SHPRH: variants seen among roughly 807,000 people sequenced by gnomAD.
SHPRH encodes E3 ubiquitin-protein ligase SHPRH.
A neutral mutation model predicts 202.5 loss-of-function variants in SHPRH; 106 were observed. That is an observed-to-expected ratio of 0.52 (90% CI 0.45 to 0.62). The LOEUF is 0.62. SHPRH is among the 20% of genes least tolerant of loss of function. SHPRH has a pLI of 0.00. For synonymous variants in SHPRH, 729 were observed against 686.0 expected (o/e 1.06, Z -0.98); for missense variants, 1,710 against 2,020.0 (o/e 0.85, Z 2.94).
chr6:145,915,357 A>G (rs894178975), intron 23 of SHPRH, among the ~76,000 whole-genome samples: 1 of 151,766 alleles, frequency 6.6e-6, no homozygotes, highest in Non-Finnish European at 1.5e-5. Context: ...TTGCATATTT[A>G]TCTACATATT....
intron 17 of SHPRH, 34 bp from the exon 18 acceptor site, chr6:145,923,819 A>G: frequency 6.3e-7 from 1 of 1,593,978 alleles, no homozygotes. Context: ...CAATTAATAC[A>G]TTTTTTTTAG....
At chr6:145,875,258 G>A (rs1639997068) in intron 2 of SHPRH, among the ~76,000 whole-genome samples, 1 of 152,188 alleles carries the variant, frequency 6.6e-6, no homozygotes, top group African/African-American at 2.4e-5. Flanking sequence ...ATTTTTGGTT[G>A]TCAAAGCTTG....
rs760250539 is a variant in SHPRH at position 145,954,764 on chromosome 6, C to G, written c.559G>C (p.Glu187Gln). 1.9e-5 allele frequency: 31 copies of G among 1,612,744 alleles called. 1 individual carries two copies. The South Asian group carries it at 3.4e-4, about 18-fold the overall frequency. The change falls in exon 2 of 30, where the codon GAA (glutamate) becomes CAA (glutamine). Residue 187 changes from glutamate to glutamine, a missense_variant. This residue lies in a region of SHPRH where 459 missense variants were observed against 426.5 expected (regional missense o/e 1.08). Transcript: ENST00000275233. ...TTCTTTTGTAGCCACCCCAAATCTT[C>G]TAACATTTCACCACTGAAGGATGAC... ...VESSFSGEML[E>Q]DLGWLQKKRR...
chr6:145,923,269 G>C (rs1784582174), intron 18 of SHPRH, among the ~76,000 whole-genome samples: 1 of 151,302 alleles, frequency 6.6e-6, no homozygotes, highest in South Asian at 2.1e-4. Context: ...TTCCTTGGTT[G>C]AATATATATA....
At chr6:145,932,139 T>C (rs1785527162) in intron 14 of SHPRH, among the ~76,000 whole-genome samples, 1 of 152,190 alleles carries the variant, frequency 6.6e-6, no homozygotes, top group South Asian at 2.1e-4. Flanking sequence ...TGATTGCATG[T>C]TTTCAAGGTT....
intron 25 of SHPRH, among the ~76,000 whole-genome samples, chr6:145,897,138 A>G (rs529439968): frequency 6.6e-6 from 1 of 151,938 alleles, no homozygotes; most frequent in South Asian, 2.1e-4. Context: ...CATAAACACA[A>G]TGGACAACCC....
chr6:145,871,802 T>A (rs538347770), intron 2 of SHPRH, among the ~76,000 whole-genome samples: 2 of 152,174 alleles, frequency 1.3e-5, no homozygotes, highest in South Asian at 4.1e-4. Flanking sequence ...AACTATACGA[T>A]AGGGCTACAG....
At chr6:145,892,570 C>T (rs2244308) in intron 28 of SHPRH, among the ~76,000 whole-genome samples, 67,255 of 149,948 alleles carry the variant, frequency 0.45, 15,337 homozygotes, top group African/African-American at 0.53. Flanking sequence ...GTTTTTTTTT[C>T]CTTTTTTAAA....
chr6:145,920,259 G>A (rs1227355848), intron 21 of SHPRH, among the ~76,000 whole-genome samples: 1 of 152,076 alleles, frequency 6.6e-6, no homozygotes, highest in Non-Finnish European at 1.5e-5. Flanking sequence ...GAACTGCACA[G>A]TAAGCTCTCT....
intron 25 of SHPRH, among the ~76,000 whole-genome samples, chr6:145,901,047 T>C (rs190393405): frequency 4.7e-4 from 72 of 152,228 alleles, no homozygotes; most frequent in Non-Finnish European, 6.8e-4. Context: ...AATCCTTCCA[T>C]AATATCTACA....
intron 25 of SHPRH, chr6:145,904,981 C>T (rs1349200049): frequency 3.3e-5 from 5 of 152,096 alleles, no homozygotes; most frequent in Non-Finnish European, 5.9e-5. Context: ...TCTAGGAAAG[C>T]TGCCATAAAA....
chr6:145,925,403 T>A (rs1289978521), intron 16 of SHPRH, among the ~76,000 whole-genome samples: 1 of 150,884 alleles, frequency 6.6e-6, no homozygotes, highest in African/African-American at 2.4e-5. Context: ...GTAATTGATT[T>A]AGTTTGATTT....
rs190455933 is a variant in SHPRH, at chr6:145,887,606, G to A, written c.4955+414C>T. Among the ~76,000 whole-genome samples, 777 of 149,170 alleles carry A rather than the reference G, an allele frequency of 5.2e-3. 4 individuals carry two copies. Among genetic ancestry groups the A allele is most frequent in the African/African-American group, 0.018 (743 of 40,292 alleles). Reference sequence around the variant, plus strand: ...GCTGGAGTGCAGTGGCACGATCTTGGCTCACTGCAACCTCCACCTCCGGGG... The same window carrying A: ...GCTGGAGTGCAGTGGCACGATCTTGACTCACTGCAACCTCCACCTCCGGGG... On this transcript the variant is annotated intron_variant, in intron 29 of 29. Coordinates refer to ENST00000275233, the MANE Select transcript of SHPRH (RefSeq NM_001042683.3).
At chr6:145,880,143 T>C (rs949578282), downstream of SHPRH, among the ~76,000 whole-genome samples, 5 of 152,110 alleles carry the variant, frequency 3.3e-5, no homozygotes, top group African/African-American at 1.2e-4. Flanking sequence ...ACTTTTTCCC[T>C]CATGTTACCA....
At chr6:145,898,957 G>A (rs946399426) in intron 25 of SHPRH, among the ~76,000 whole-genome samples, 3 of 151,950 alleles carry the variant, frequency 2.0e-5, no homozygotes, top group Non-Finnish European at 4.4e-5. Flanking sequence ...GACTACAGGT[G>A]TGCACCACCA....
intron 1 of SHPRH, among the ~76,000 whole-genome samples, chr6:145,959,612 A>T (rs1562381566): frequency 6.6e-6 from 1 of 152,198 alleles, no homozygotes. Context: ...AAATGTTATA[A>T]ACTCAGCTCT....
intron 25 of SHPRH, chr6:145,909,878 G>A (rs1019070052): frequency 2.0e-5 from 3 of 152,040 alleles, no homozygotes; most frequent in African/African-American, 7.2e-5. Context: ...ATCCAGTCTG[G>A]ATATCACATT....
rs765149701 is a variant in SHPRH, at chr6:145,954,887, T to C, written c.436A>G (p.Ser146Gly). ...TGAACATAAATCAGGAACTGATTGC[T>C]TGACTCTGAACTCATCAATGTAATA... ...RSITLMSSESSNQFLIYVHSK... is the reference protein window; with the variant it reads ...RSITLMSSESGNQFLIYVHSK... The change falls in exon 2 of 30, where the codon AGC (serine) becomes GGC (glycine). Residue 146 changes from serine to glycine, a missense_variant. Physicochemically the swap from Ser to Gly is moderately conservative, Grantham distance 56. Transcript: ENST00000275233. 1.2e-6 allele frequency: 2 copies of C among 1,613,626 alleles called. No individual in the cohort carries two copies. Among genetic ancestry groups the C allele is most frequent in the African/African-American group, 1.3e-5 (1 of 74,914 alleles).
chr6:145,919,558 A>C, intron 21 of SHPRH, 67 bp from the exon 22 acceptor site: 1 of 1,557,648 alleles, frequency 6.4e-7, no homozygotes, highest in East Asian at 2.3e-5. Context: ...AACCACCAAG[A>C]TGTGCCTTAA....
Sources: allele counts gnomAD v4.1 joint callset (sites outside exome capture counted in the v4.1 genomes callset), GRCh38; gene constraint gnomAD v4.1.1; regional missense constraint gnomAD v4.1.1; transcripts MANE v1.5; gene names NCBI Gene and HGNC (gene_info 2026-07-23, HGNC 2026-07-21).